CNTNAP2: variants seen among roughly 807,000 people sequenced by gnomAD.
CNTNAP2 encodes contactin associated protein 2, also known as contactin-associated protein-like 2.
A neutral mutation model predicts 155.2 loss-of-function variants in CNTNAP2; 98 were observed. The ratio of observed to expected loss-of-function variants is 0.63; its 90% CI spans 0.54 to 0.75. CNTNAP2 has a LOEUF of 0.75. CNTNAP2 is among the 30% of genes least tolerant of loss of function. The probability of loss-of-function intolerance (pLI) is 0.00; values close to 1 mark genes in which losing one functional copy is unlikely to be tolerated. For synonymous variants in CNTNAP2, 651 were observed against 631.2 expected, an observed-to-expected ratio of 1.03 and a Z score of -0.47; for missense variants, 1,727 against 1,688.1, an observed-to-expected ratio of 1.02 and a Z score of -0.40.
chr7:148,244,597 C>A (rs1302393239), intron 20 of CNTNAP2, among the ~76,000 whole-genome samples: 1 of 148,978 alleles, frequency 6.7e-6, no homozygotes, highest in Non-Finnish European at 1.5e-5. Context: ...GGGTTTCACT[C>A]TGTCCCCCAG....
chr7:146,329,807 A>C (rs566560863), intron 1 of CNTNAP2, among the ~76,000 whole-genome samples: 1 of 152,244 alleles, frequency 6.6e-6, no homozygotes, highest in African/African-American at 2.4e-5. Context: ...TTCTATGTAC[A>C]ACTGTGGTAC....
intron 8 of CNTNAP2, among the ~76,000 whole-genome samples, chr7:147,143,839 G>A (rs968082756): frequency 1.3e-5 from 2 of 152,084 alleles, no homozygotes; most frequent in Non-Finnish European, 2.9e-5. Context: ...AAATGAAAGC[G>A]TGTATACATT....
chr7:147,828,080 A>G (rs187805107), intron 13 of CNTNAP2, among the ~76,000 whole-genome samples: 1 of 152,288 alleles, frequency 6.6e-6, no homozygotes, highest in East Asian at 1.9e-4. Context: ...CGAATGAAGA[A>G]AGAAACTAGA....
intron 10 of CNTNAP2, among the ~76,000 whole-genome samples, chr7:147,470,018 G>A (rs1387573821): frequency 6.6e-6 from 1 of 152,188 alleles, no homozygotes; most frequent in Non-Finnish European, 1.5e-5. Context: ...AAGGCAGAGT[G>A]AGCAGGAGGA....
chr7:148,174,952 C>T (rs1292448762), intron 18 of CNTNAP2, among the ~76,000 whole-genome samples: 1 of 152,146 alleles, frequency 6.6e-6, no homozygotes, highest in East Asian at 1.9e-4. Context: ...GTTCCCCTCC[C>T]TGTGGCCATG....
chr7:147,068,178 G>A (rs142854229), intron 4 of CNTNAP2, among the ~76,000 whole-genome samples: 29 of 152,220 alleles, frequency 1.9e-4, no homozygotes, highest in African/African-American at 6.7e-4. Flanking sequence ...GGCCCACTAA[G>A]GATGGTCACT....
At chr7:147,100,212 G>A (rs905154274) in intron 4 of CNTNAP2, among the ~76,000 whole-genome samples, 13 of 152,074 alleles carry the variant, frequency 8.5e-5, no homozygotes, top group East Asian at 1.9e-4. Context: ...GTCTCTTCAC[G>A]TTGAATAATG....
chr7:148,024,589 C>T (rs1802345246), intron 15 of CNTNAP2, among the ~76,000 whole-genome samples: 2 of 152,300 alleles, frequency 1.3e-5, no homozygotes, highest in African/African-American at 4.8e-5. Flanking sequence ...CCAACTTTTA[C>T]ACTCACTATT....
chr7:148,415,428 G>C lies in CNTNAP2; in HGVS notation c.3808G>C (p.Val1270Leu), dbSNP rs1469934239. 1 of 1,613,908 alleles carries C rather than the reference G, an allele frequency of 6.2e-7. No homozygotes were observed. The highest frequency in any genetic ancestry group is 1.6e-4 in the Middle Eastern group (1 of 6,062). Residue 1270 changes from valine (V) to leucine (L), a missense_variant, in exon 24 of 24, where the codon GTG becomes CTG. By Grantham distance (32) the Val-to-Leu change is conservative. Coordinates refer to ENST00000361727, the MANE Select transcript of CNTNAP2 (RefSeq NM_014141.6). ...CCTTTCTCCGTCAGGCGTCATTGCT[G>C]TGGTGATTTTCACCATCCTGTGCAC... The part of the protein sequence containing the change: ...NSAIIGGVIA[V>L]VIFTILCTLV...
intron 11 of CNTNAP2, among the ~76,000 whole-genome samples, chr7:147,556,620 G>A (rs2116775608): frequency 6.6e-6 from 1 of 152,280 alleles, no homozygotes; most frequent in Middle Eastern, 3.4e-3. Context: ...ATGGGGGACT[G>A]AGATGATGAG....
chr7:147,083,761 T>C (rs961212094), intron 4 of CNTNAP2, among the ~76,000 whole-genome samples: 14 of 143,078 alleles, frequency 9.8e-5, no homozygotes, highest in Non-Finnish European at 2.1e-4. Context: ...GGATTATATA[T>C]GTGTATACAC....
At chr7:147,767,328 T>C (rs569563694) in intron 13 of CNTNAP2, among the ~76,000 whole-genome samples, 1 of 152,130 alleles carries the variant, frequency 6.6e-6, no homozygotes, top group South Asian at 2.1e-4. Context: ...AAACCTTCTT[T>C]ATTTTGGTGT....
At chr7:146,772,118 A>G (rs1343236252) in intron 1 of CNTNAP2, among the ~76,000 whole-genome samples, 2 of 152,172 alleles carry the variant, frequency 1.3e-5, no homozygotes, top group East Asian at 3.9e-4. Flanking sequence ...CATTTCAGAT[A>G]GAGCTTTCTA....
intron 3 of CNTNAP2, among the ~76,000 whole-genome samples, chr7:146,853,635 G>C (rs1585123127): frequency 6.6e-6 from 1 of 152,134 alleles, no homozygotes; most frequent in Non-Finnish European, 1.5e-5. Flanking sequence ...AGAGGTAAGA[G>C]ACCAGGCTTT....
At chr7:146,444,213 C>T (rs6464763) in intron 1 of CNTNAP2, among the ~76,000 whole-genome samples, 2,591 of 152,050 alleles carry the variant, frequency 0.017, 74 homozygotes, top group African/African-American at 0.058. Flanking sequence ...TTAGTATAAA[C>T]GGGGTTTCAC....
chr7:146,745,644 G>C (rs1381335409), intron 1 of CNTNAP2, among the ~76,000 whole-genome samples: 5 of 151,988 alleles, frequency 3.3e-5, no homozygotes, highest in African/African-American at 1.2e-4. Flanking sequence ...GTGCACACCT[G>C]TAATCCCAGC....
chr7:147,385,379 G>A (rs192529332), intron 9 of CNTNAP2, among the ~76,000 whole-genome samples: 6 of 152,222 alleles, frequency 3.9e-5, no homozygotes, highest in Non-Finnish European at 5.9e-5. Flanking sequence ...ATAGTCCAAC[G>A]TCTCATCTGA....
At chr7:147,282,547 G>T (rs1391732805) in intron 8 of CNTNAP2, among the ~76,000 whole-genome samples, 1 of 151,816 alleles carries the variant, frequency 6.6e-6, no homozygotes, top group Non-Finnish European at 1.5e-5. Flanking sequence ...GGCATACAGA[G>T]ATGGTGAATT....
chr7:147,260,172 C>G (rs1804424834), intron 8 of CNTNAP2, among the ~76,000 whole-genome samples: 1 of 152,212 alleles, frequency 6.6e-6, no homozygotes, highest in African/African-American at 2.4e-5. Context: ...AAAAGCTTTA[C>G]TATTCATGGC....
Sources: allele counts gnomAD v4.1 joint callset (sites outside exome capture counted in the v4.1 genomes callset), GRCh38; gene constraint gnomAD v4.1.1; transcripts MANE v1.5; gene names NCBI Gene and HGNC (gene_info 2026-07-23, HGNC 2026-07-21).